LUC7L2: variants seen among roughly 807,000 people sequenced by gnomAD.
LUC7L2 encodes the protein putative RNA-binding protein Luc7-like 2.
LUC7L2 carries 25 observed loss-of-function variants against 52.8 expected under a neutral mutation model. The ratio of observed to expected loss-of-function variants is 0.47; its 90% CI spans 0.34 to 0.66. The LOEUF is 0.66. LUC7L2 is among the 30% of genes least tolerant of loss of function. LUC7L2 has a pLI of 0.01. For synonymous variants in LUC7L2, 144 were observed against 160.9 expected, an observed-to-expected ratio of 0.89 and a Z score of 0.80; for missense variants, 328 against 497.8, an observed-to-expected ratio of 0.66 and a Z score of 3.25.
chr7:139,405,734 C>A lies in LUC7L2; in HGVS notation c.457C>A (p.Gln153Lys). ...AGCTGAAGGGAATGTGGAGGAATCC[C>A]AGAAAGTAATGGATGAAGTAGAGAA... ...LGAEGNVEES[Q>K]KVMDEVEKAR... Residue 153 changes from glutamine to lysine, a missense_variant, in exon 5 of 10, where the codon CAG becomes AAG. Around this residue, in one of 2 missense-constraint regions of LUC7L2, gnomAD observed 133 missense variants for 274.4 expected, o/e 0.48. Transcript: ENST00000354926. The A allele has an allele frequency of 1.2e-6, 2 of 1,612,362 alleles. No homozygotes were observed. Among genetic ancestry groups the A allele is most frequent in the Non-Finnish European group, 1.7e-6 (2 of 1,179,388 alleles).
intron 3 of LUC7L2, among the ~76,000 whole-genome samples, chr7:139,399,345 A>G (rs1794793807): frequency 6.6e-6 from 1 of 150,738 alleles, no homozygotes; most frequent in African/African-American, 2.4e-5. Context: ...CAAGTATTAC[A>G]CCATTTTATA....
intron 2 of LUC7L2, among the ~76,000 whole-genome samples, chr7:139,381,445 TC>T (rs1801016643): frequency 6.6e-6 from 1 of 151,656 alleles, no homozygotes; most frequent in Non-Finnish European, 1.5e-5. Flanking sequence ...AGGGTCACAC[TC>T]TTGGCCAGGC....
rs940656141 is a variant in LUC7L2, at chr7:139,374,526, G to C, written c.62-1536G>C. On this transcript the variant is annotated intron_variant, in intron 1 of 9. Coordinates refer to ENST00000354926, the MANE Select transcript of LUC7L2 (RefSeq NM_016019.5). ...TAATGAATGTGGAACAAAAGCAGTT[G>C]TGTTTAAAAGGAAAAAGGACCATCA... The C allele has an allele frequency of 4.5e-6, 7 of 1,548,016 alleles. No homozygotes were observed. In the African/African-American group the frequency reaches 9.6e-5, roughly 21 times the overall value.
intron 2 of LUC7L2, among the ~76,000 whole-genome samples, chr7:139,395,615 A>G (rs1314476264): frequency 6.6e-6 from 1 of 152,158 alleles, no homozygotes; most frequent in Non-Finnish European, 1.5e-5. Flanking sequence ...AACTGAAGGT[A>G]ATATAGTTTT....
intron 1 of LUC7L2, among the ~76,000 whole-genome samples, chr7:139,365,617 G>A (rs1800115727): frequency 6.6e-6 from 1 of 152,114 alleles, no homozygotes; most frequent in South Asian, 2.1e-4. Context: ...AAGACAGGCA[G>A]ATGGTTTAAA....
intron 1 of LUC7L2, among the ~76,000 whole-genome samples, chr7:139,347,228 A>T (rs1029141548): frequency 6.6e-6 from 1 of 152,328 alleles, no homozygotes; most frequent in East Asian, 1.9e-4. Flanking sequence ...CATTGCATGT[A>T]TTAAATGTTT....
At chr7:139,414,510 T>G (rs1795503149) in intron 8 of LUC7L2, among the ~76,000 whole-genome samples, 1 of 152,274 alleles carries the variant, frequency 6.6e-6, no homozygotes, top group Non-Finnish European at 1.5e-5. Context: ...TGCCCTGGGA[T>G]AGTTCTGGTT....
chr7:139,345,729 G>C, intron 1 of LUC7L2: 1 of 1,597,804 alleles, frequency 6.3e-7, no homozygotes. Context: ...CTTGGATGCT[G>C]CATTCATAGG....
At chr7:139,401,244 G>A (rs933971773) in intron 3 of LUC7L2, among the ~76,000 whole-genome samples, 8 of 152,012 alleles carry the variant, frequency 5.3e-5, no homozygotes, top group Non-Finnish European at 1.2e-4. Flanking sequence ...GCAGTTTGGA[G>A]AATTAAAAGA....
At chr7:139,375,205 CT>C in intron 1 of LUC7L2, 1 of 984,622 alleles carries the variant, frequency 1.0e-6, no homozygotes, top group Non-Finnish European at 1.2e-6. Flanking sequence ...AGTTACCTTT[CT>C]TTTTCTTAGA....
chr7:139,361,094 C>T (rs1799859790), intron 1 of LUC7L2, among the ~76,000 whole-genome samples: 1 of 152,192 alleles, frequency 6.6e-6, no homozygotes, highest in Admixed American at 6.5e-5. Flanking sequence ...AGTTTAGAAT[C>T]TGTATAGAGA....
At chr7:139,389,937 C>T (rs942717015) in intron 2 of LUC7L2, among the ~76,000 whole-genome samples, 2 of 152,106 alleles carry the variant, frequency 1.3e-5, no homozygotes, top group African/African-American at 2.4e-5. Flanking sequence ...TCAGCTGGCG[C>T]AGGCAGGATC....
intron 1 of LUC7L2, among the ~76,000 whole-genome samples, chr7:139,347,248 T>C (rs1799298349): frequency 6.6e-6 from 1 of 152,186 alleles, no homozygotes; most frequent in African/African-American, 2.4e-5. Context: ...TTTGAATACA[T>C]AACTTAGCTC....
At chr7:139,391,420 C>T (rs1794442721) in intron 2 of LUC7L2, among the ~76,000 whole-genome samples, 1 of 152,086 alleles carries the variant, frequency 6.6e-6, no homozygotes, top group Non-Finnish European at 1.5e-5. Context: ...CAAATTCTAT[C>T]GTTTATATAT....
At chr7:139,412,138 C>A (rs575530072) in intron 7 of LUC7L2, among the ~76,000 whole-genome samples, 65 of 151,658 alleles carry the variant, frequency 4.3e-4, no homozygotes, top group Non-Finnish European at 8.4e-4. Context: ...GTAATCCCAG[C>A]ACTTCGGAAG....
Position 139,402,211 on chromosome 7 carries a change from A to T in LUC7L2, c.330A>T (p.Glu110Asp), listed in dbSNP as rs1486148392. ...RTEVAKKRLAETQEEISAEVA... is the reference protein window; with the variant it reads ...RTEVAKKRLADTQEEISAEVA... ...AAGTGGCCAAGAAAAGATTAGCAGAAACTCAAGAAGAGATTAGTGCTGAAG... is the reference window on the plus strand; with the variant it reads ...AAGTGGCCAAGAAAAGATTAGCAGATACTCAAGAAGAGATTAGTGCTGAAG... Residue 110 changes from glutamate (E) to aspartate (D), a missense_variant, in exon 4 of 10, where the codon GAA (glutamate) becomes GAT (aspartate). Transcript: ENST00000354926. 1.2e-6 allele frequency: 2 copies of T among 1,610,908 alleles called. No individual in the cohort carries two copies. Among genetic ancestry groups the T allele is most frequent in the African/African-American group, 2.7e-5 (2 of 74,668 alleles).
intron 8 of LUC7L2, chr7:139,416,692 C>T (rs763161145): frequency 6.6e-6 from 1 of 152,186 alleles, no homozygotes; most frequent in Non-Finnish European, 1.5e-5. Flanking sequence ...AGCTACTACC[C>T]CTGGCCCTTA....
At chr7:139,371,647 A>G (rs1227084547) in intron 1 of LUC7L2, among the ~76,000 whole-genome samples, 2 of 152,200 alleles carry the variant, frequency 1.3e-5, no homozygotes, top group Non-Finnish European at 2.9e-5. Flanking sequence ...AATGTTACTA[A>G]TAAAATTTAA....
At position 139,398,529 on chromosome 7, in the gene LUC7L2, A is replaced by G. The variant is rs991174787; in HGVS notation, c.157-70A>G. On this transcript the variant is annotated intron_variant, in intron 2 of 9. Coordinates refer to ENST00000354926, the MANE Select transcript of LUC7L2 (RefSeq NM_016019.5). ...TGACTTAATATGTATTCTGACAAGA[A>G]CTGTGGTTGTTGAAGCATTTTTTAA... 1.3e-5 allele frequency: 16 copies of G among 1,258,062 alleles called. No homozygotes were observed. In the East Asian group the frequency reaches 2.5e-4, roughly 20 times the overall value. 77.9% of individuals were successfully genotyped at this position (1,258,062 alleles called of 1,614,324 possible). A position where few individuals can be genotyped will look rare whatever the true frequency, so the allele number is the denominator to read the frequency against.
Sources: gnomAD v4.1 joint callset for allele counts (sites outside exome capture counted in the v4.1 genomes callset) on GRCh38, gnomAD v4.1.1 for gene constraint, gnomAD v4.1.1 regional missense constraint, MANE v1.5 for transcripts, NCBI Gene and HGNC (gene_info 2026-07-23, HGNC 2026-07-21) for gene names.